Variants in BICDL2 observed in about 807,000 individuals in gnomAD.
BICDL2 encodes BICD family-like cargo adapter 2.
A neutral mutation model predicts 56.6 loss-of-function variants in BICDL2; 62 were observed. That is an observed-to-expected ratio of 1.10 (90% confidence interval 0.89 to 1.35). The LOEUF (loss-of-function observed/expected upper bound fraction) is 1.35. Among genes scored for constraint, BICDL2 ranks in the 40% most tolerant of loss-of-function variants. The pLI is 0.00. For synonymous variants in BICDL2, 358 were observed against 319.8 expected, an observed-to-expected ratio of 1.12 and a Z score of -1.27; for missense variants, 808 against 684.5, an observed-to-expected ratio of 1.18 and a Z score of -2.01.
rs1386830428 is a variant in BICDL2, at chr16:3,031,097, G to A, written c.336C>T (p.Ala112=). The A allele has an allele frequency of 3.9e-6, 6 of 1,536,184 alleles. No individual in the cohort carries two copies. Among genetic ancestry groups the A allele is most frequent in the East Asian group, 2.4e-5 (1 of 40,882 alleles). Reference sequence around the variant, plus strand: ...GCTCCACGGCCCGGGCCTCCCACTCGGCTCCTCGGGCTGCCAGGCCTCGCC... The same window carrying A: ...GCTCCACGGCCCGGGCCTCCCACTCAGCTCCTCGGGCTGCCAGGCCTCGCC... The part of the protein sequence containing the change: ...ELRRGLAARG[A]EWEARAVELE... Residue 112 remains alanine (A), a synonymous_variant, in exon 3 of 10, where the codon GCC becomes GCT. Coordinates refer to ENST00000572449, the MANE Select transcript of BICDL2 (RefSeq NM_001369667.1).
intron 3 of BICDL2, 35 bp downstream of exon 3, chr16:3,030,900 C>A (rs772217861): frequency 1.3e-5 from 20 of 1,545,464 alleles, no homozygotes; most frequent in African/African-American, 5.5e-5. Context: ...TCCTCCCCAA[C>A]CTTGTCCAGG....
Position 3,033,208 on chromosome 16 carries a change from G to A in BICDL2, c.282+2007C>T, listed in dbSNP as rs181485381. On this transcript the variant is annotated intron_variant, in intron 2 of 9. Coordinates refer to ENST00000572449, the MANE Select transcript of BICDL2 (RefSeq NM_001369667.1). The stretch of plus-strand genomic sequence containing the variant: ...GAATCCCAGCTACTTGGGAGGCTGA[G>A]GTGAGAGAATCACTTGAACCCAGGA... Among the ~76,000 whole-genome samples, 31 of 152,298 alleles carry A rather than the reference G, an allele frequency of 2.0e-4. No individual in the cohort carries two copies. In the East Asian group the frequency reaches 5.6e-3, roughly 28 times the overall value.
chr16:3,035,176 T>TTGGCCGGGGGGGGGGGGGGGGGGGGG, intron 2 of BICDL2, 39 bp downstream of exon 2: 7 of 136,274 alleles, frequency 5.1e-5, no homozygotes, highest in Non-Finnish European at 9.5e-5. Context: ...CGTCCTCCCC[T>TTGGCCGGGGGGGGGGGGGGGGGGGGG]GCCCACCCAC....
At chr16:3,030,653 CT>C (rs1555499260) in intron 4 of BICDL2, 42 bp downstream of exon 4, 4 of 1,595,338 alleles carry the variant, frequency 2.5e-6, no homozygotes, top group Non-Finnish European at 1.7e-6. Context: ...CTCAGCCCGG[CT>C]TTTTTGGCTC....
intron 6 of BICDL2, 32 bp from the exon 7 acceptor site, chr16:3,029,461 G>A: frequency 6.3e-7 from 1 of 1,592,050 alleles, no homozygotes. Flanking sequence ...TAGTGGTGTG[G>A]AGTTTATTGG....
intron 2 of BICDL2, among the ~76,000 whole-genome samples, chr16:3,034,155 G>A (rs1802744416): frequency 1.3e-5 from 2 of 152,218 alleles, no homozygotes; most frequent in Non-Finnish European, 2.9e-5. Flanking sequence ...CCAGTGCCAG[G>A]CAAGGAGTGG....
rs925493856 is a variant in BICDL2, at chr16:3,028,501, G to A, written c.1239-33C>T. On this transcript the variant is annotated intron_variant, in intron 8 of 9. Coordinates refer to ENST00000572449, the MANE Select transcript of BICDL2 (RefSeq NM_001369667.1). ...GGCAGGAGCAGAAGACGCGTTTGAGGGCGCTAGGGCCTCAGGGAGCCGGGG... is the reference window on the plus strand; with the variant it reads ...GGCAGGAGCAGAAGACGCGTTTGAGAGCGCTAGGGCCTCAGGGAGCCGGGG... 8.3e-6 allele frequency: 13 copies of A among 1,566,476 alleles called. No homozygotes were observed. The East Asian group carries it at 2.8e-4, about 33-fold the overall frequency.
At chr16:3,031,889 C>T (rs188416383) in intron 2 of BICDL2, 31 of 220,700 alleles carry the variant, frequency 1.4e-4, no homozygotes, top group African/African-American at 6.1e-4. Flanking sequence ...TGCTAAGTGC[C>T]TTGCCTAAGG....
At chr16:3,035,192 C>CCCCCCCG in intron 2 of BICDL2, 23 bp downstream of exon 2, 1 of 284,874 alleles carries the variant, frequency 3.5e-6, no homozygotes, top group Non-Finnish European at 7.3e-6. Flanking sequence ...CCCACCCACC[C>CCCCCCCG]ACCCCGTCCA....
intron 5 of BICDL2, 162 bp downstream of exon 5, chr16:3,030,287 A>G: frequency 1.1e-6 from 1 of 879,256 alleles, no homozygotes; most frequent in African/African-American, 1.7e-5. Flanking sequence ...CACCTGCTCA[A>G]CAGCCTTCCG....
At chr16:3,030,346 C>T in intron 5 of BICDL2, 103 bp downstream of exon 5, 2 of 1,427,624 alleles carry the variant, frequency 1.4e-6, no homozygotes, top group Non-Finnish European at 1.9e-6. Context: ...GTGGGCCAGC[C>T]TCTGGGCCTC....
rs1382296631 is a variant in BICDL2, at chr16:3,029,360, G to A, written c.1027C>T (p.Pro343Ser). The A allele has an allele frequency of 1.9e-6, 3 of 1,607,992 alleles. No individual in the cohort carries two copies. Among genetic ancestry groups the A allele is most frequent in the Non-Finnish European group, 2.5e-6 (3 of 1,178,156 alleles). ...QPSPPEEILE[P>S]PKKRTSLSPA... Reference sequence around the variant, plus strand: ...CTGAGGGATGTTCGCTTCTTGGGGGGCTCTAAGATCTCTTCCGGGGGTGAA... The same window carrying A: ...CTGAGGGATGTTCGCTTCTTGGGGGACTCTAAGATCTCTTCCGGGGGTGAA... The change falls in exon 7 of 10, where the codon CCC (proline) becomes TCC (serine). Residue 343 changes from proline to serine, a missense_variant. Transcript: ENST00000572449.
At position 3,028,689 on chromosome 16, in the gene BICDL2, T is replaced by A. The variant is rs745574935; in HGVS notation, c.1238+11A>T. 1.8e-5 allele frequency: 29 copies of A among 1,569,314 alleles called. No homozygotes were observed. Among genetic ancestry groups the A allele is most frequent in the Non-Finnish European group, 2.4e-5 (28 of 1,156,854 alleles). ...GGGCGCTGGGGCGGTGGTCAATGGCTTGAGGCTTACTTGTTCACGGCCTCG... is the reference window on the plus strand; with the variant it reads ...GGGCGCTGGGGCGGTGGTCAATGGCATGAGGCTTACTTGTTCACGGCCTCG... On this transcript the variant is annotated intron_variant, in intron 8 of 9. Coordinates refer to ENST00000572449, the MANE Select transcript of BICDL2 (RefSeq NM_001369667.1).
chr16:3,036,620 C>T (rs1175330809), intron 1 of BICDL2: 2 of 451,482 alleles, frequency 4.4e-6, no homozygotes, highest in Middle Eastern at 3.6e-4. Context: ...CCCCGCCCCC[C>T]TCCACGCGAG....
At chr16:3,032,946 G>A (rs1384497595) in intron 2 of BICDL2, 1 of 152,166 alleles carries the variant, frequency 6.6e-6, no homozygotes, top group African/African-American at 2.4e-5. Context: ...GGAGTGAAAT[G>A]ATCTGATTTG....
At chr16:3,031,270 C>A in intron 2 of BICDL2, 120 bp from the exon 3 acceptor site, 2 of 803,438 alleles carry the variant, frequency 2.5e-6, no homozygotes, top group South Asian at 1.8e-5. Flanking sequence ...GCCTTGTGTC[C>A]AAGACAGACA....
chr16:3,028,023 A>G lies in BICDL2; in HGVS notation c.*83T>C, dbSNP rs1955571878. The G allele has an allele frequency of 7.3e-7, 1 of 1,378,388 alleles. No homozygotes were observed. The highest frequency in any genetic ancestry group is 9.4e-7 in the Non-Finnish European group (1 of 1,067,252). 85.4% of individuals were successfully genotyped at this position (1,378,388 alleles called of 1,614,324 possible). A position where few individuals can be genotyped will look rare whatever the true frequency, so the allele number is the denominator to read the frequency against. The stretch of plus-strand genomic sequence containing the variant: ...GGAGGGCATCAGCTTCTTTTGGAAG[A>G]CAATCTGGGCCCTGTCGCTCCATTG... On this transcript the variant is annotated 3_prime_UTR_variant, in exon 10 of 10. Transcript: ENST00000572449.
chr16:3,032,042 C>T (rs547315315), intron 2 of BICDL2: 2 of 152,416 alleles, frequency 1.3e-5, no homozygotes, highest in African/African-American at 4.8e-5. Flanking sequence ...AGAGATTCTC[C>T]TGCCTCAGCC....
chr16:3,035,729 T>G, intron 1 of BICDL2: 1 of 576,010 alleles, frequency 1.7e-6, no homozygotes, highest in Non-Finnish European at 3.1e-6. Flanking sequence ...CAGAAGGAAA[T>G]GACCTGCCCA....
Sources: allele counts gnomAD v4.1 joint callset (sites outside exome capture counted in the v4.1 genomes callset), GRCh38; gene constraint gnomAD v4.1.1; transcripts MANE v1.5; gene names NCBI Gene and HGNC (gene_info 2026-07-23, HGNC 2026-07-21).